CACNA1D: variants seen among roughly 807,000 people sequenced by gnomAD.
CACNA1D encodes the protein voltage-dependent L-type calcium channel subunit alpha-1D.
Under a neutral mutation model 257.1 loss-of-function variants are expected in CACNA1D, and 55 were observed. The ratio of observed to expected loss-of-function variants is 0.21; its 90% CI spans 0.17 to 0.27. CACNA1D has a LOEUF of 0.27. CACNA1D is among the 10% of genes least tolerant of loss of function. CACNA1D has a pLI of 1.00. For synonymous variants in CACNA1D, 980 were observed against 1,014.9 expected (o/e 0.97, Z 0.65); for missense variants, 1,876 against 2,784.0 (o/e 0.67, Z 7.34).
intron 47 of CACNA1D, chr3:53,810,567 T>G (rs2095592197): frequency 6.1e-6 from 3 of 494,350 alleles, no homozygotes; most frequent in South Asian, 4.1e-5. Context: ...AGACCAGCCT[T>G]GCCAACATGG....
chr3:53,764,766 G>A (rs1057116931), intron 30 of CACNA1D, among the ~76,000 whole-genome samples: 2 of 152,222 alleles, frequency 1.3e-5, no homozygotes, highest in Admixed American at 6.5e-5. Flanking sequence ...GCAGGTCTAC[G>A]CTGAAGTTTC....
intron 9 of CACNA1D, among the ~76,000 whole-genome samples, chr3:53,712,039 A>C (rs1365511640): frequency 6.6e-6 from 1 of 152,232 alleles, no homozygotes; most frequent in Non-Finnish European, 1.5e-5. Context: ...ATAAGAAAAA[A>C]CATCTTTAAA....
At chr3:53,735,745 G>A (rs1321928014) in intron 20 of CACNA1D, among the ~76,000 whole-genome samples, 2 of 152,378 alleles carry the variant, frequency 1.3e-5, no homozygotes, top group Non-Finnish European at 2.9e-5. Context: ...AACGGTCAGT[G>A]AATTCAGGGA....
chr3:53,702,683 T>C lies in CACNA1D; in HGVS notation c.1263T>C (p.Asp421=), dbSNP rs1221212404. 2 of 1,614,114 alleles carry C rather than the reference T, an allele frequency of 1.2e-6. No homozygotes were observed. Among genetic ancestry groups the C allele is most frequent in the Admixed American group, 3.3e-5 (2 of 60,014 alleles). ...GAGAGAAGGCAAAAGCACGGGGAGA[T>C]TTCCAGAAGCTCCGGGAGAAGCAGC... ...KEREKAKARG[D]FQKLREKQQL... The change falls in exon 9 of 48, where the codon GAT becomes GAC. Residue 421 remains aspartate (D), a synonymous_variant. Coordinates refer to ENST00000350061, the MANE Select transcript of CACNA1D (RefSeq NM_001128840.3).
At chr3:53,803,634 C>G in intron 44 of CACNA1D, 62 bp downstream of exon 44, 1 of 1,569,854 alleles carries the variant, frequency 6.4e-7, no homozygotes, top group Non-Finnish European at 8.7e-7. Context: ...TCGGCCCACT[C>G]CGGAAGCCAG....
intron 3 of CACNA1D, among the ~76,000 whole-genome samples, chr3:53,544,849 T>C (rs551846296): frequency 6.6e-6 from 1 of 152,326 alleles, no homozygotes; most frequent in African/African-American, 2.4e-5. Context: ...ACCTGGCAAG[T>C]TGCTTCATCC....
intron 8 of CACNA1D, among the ~76,000 whole-genome samples, chr3:53,678,191 C>T (rs1244749901): frequency 6.6e-6 from 1 of 152,186 alleles, no homozygotes; most frequent in South Asian, 2.1e-4. Context: ...ACTACATAAA[C>T]CCCCTCCTGG....
At position 53,650,790 on chromosome 3, in the gene CACNA1D, A is replaced by G. The variant is rs1263178348; in HGVS notation, c.495A>G (p.Glu165=). 35 of 1,614,018 alleles carry G rather than the reference A, an allele frequency of 2.2e-5. No individual in the cohort carries two copies. The highest frequency in any genetic ancestry group is 3.0e-5 in the Non-Finnish European group (35 of 1,180,006). The change falls in exon 4 of 48, where the codon GAA becomes GAG. Residue 165 remains glutamate, a synonymous_variant. Coordinates refer to ENST00000350061, the MANE Select transcript of CACNA1D (RefSeq NM_001128840.3). The part of the protein sequence containing the change: ...NSTNHNLEKV[E]YAFLIIFTVE... ...GTTTTTCTTCACAGGAAAAAGTAGA[A>G]TATGCCTTCCTGATTATTTTTACAG...
chr3:53,566,220 T>C (rs1438277203), intron 3 of CACNA1D, among the ~76,000 whole-genome samples: 1 of 152,188 alleles, frequency 6.6e-6, no homozygotes, highest in Admixed American at 6.5e-5. Flanking sequence ...GCCTGGAGAA[T>C]ATGTGATCTG....
chr3:53,500,979 GT>G (rs1283961481), intron 2 of CACNA1D, among the ~76,000 whole-genome samples: 4 of 152,202 alleles, frequency 2.6e-5, no homozygotes, highest in Admixed American at 6.5e-5. Context: ...ATCTGAAACA[GT>G]TATAGCCATC....
At chr3:53,504,017 A>AT (rs1389892280) in intron 3 of CACNA1D, among the ~76,000 whole-genome samples, 1 of 149,846 alleles carries the variant, frequency 6.7e-6, no homozygotes, top group African/African-American at 2.5e-5. Flanking sequence ...GCAAGGTCCC[A>AT]TGCCATGTTG....
chr3:53,554,638 A>G (rs1039317763), intron 3 of CACNA1D, among the ~76,000 whole-genome samples: 4 of 152,208 alleles, frequency 2.6e-5, no homozygotes, highest in Non-Finnish European at 5.9e-5. Flanking sequence ...GTCTCCCTCA[A>G]GGGTAGGGAT....
intron 3 of CACNA1D, among the ~76,000 whole-genome samples, chr3:53,639,114 C>T (rs542415925): frequency 1.3e-5 from 2 of 152,266 alleles, no homozygotes; most frequent in African/African-American, 4.8e-5. Context: ...TGCCTGTGAA[C>T]CTCATCTGTG....
At chr3:53,713,535 T>A (rs1379005249) in intron 9 of CACNA1D, among the ~76,000 whole-genome samples, 2 of 138,346 alleles carry the variant, frequency 1.4e-5, no homozygotes, top group Non-Finnish European at 3.0e-5. Context: ...TGTGTGTGTG[T>A]GTGTGTGTGA....
At chr3:53,707,245 A>T (rs1425972455) in intron 9 of CACNA1D, among the ~76,000 whole-genome samples, 2 of 152,014 alleles carry the variant, frequency 1.3e-5, no homozygotes, top group African/African-American at 4.8e-5. Flanking sequence ...ATGCTTCTTG[A>T]TGCCATACTC....
chr3:53,546,789 G>A (rs2092422849), intron 3 of CACNA1D, among the ~76,000 whole-genome samples: 1 of 152,188 alleles, frequency 6.6e-6, no homozygotes, highest in Non-Finnish European at 1.5e-5. Flanking sequence ...CGTCCTAGCA[G>A]TGGGCAAGAG....
intron 30 of CACNA1D, chr3:53,766,272 T>G (rs537528943): frequency 6.6e-6 from 1 of 152,298 alleles, no homozygotes; most frequent in South Asian, 2.1e-4. Flanking sequence ...TAGTCCCCCA[T>G]TTCATATGTG....
At chr3:53,722,578 C>T (rs2094893350) in intron 12 of CACNA1D, 104 bp downstream of exon 12, 2 of 1,187,280 alleles carry the variant, frequency 1.7e-6, no homozygotes, top group Admixed American at 1.7e-5. Flanking sequence ...AGTATCGCAA[C>T]ATTTCTAGTG....
intron 4 of CACNA1D, among the ~76,000 whole-genome samples, chr3:53,654,384 A>G (rs1418700112): frequency 6.6e-6 from 1 of 152,242 alleles, no homozygotes; most frequent in Non-Finnish European, 1.5e-5. Context: ...TAGCTTCTAT[A>G]GAAATAAAGT....
Sources: allele counts gnomAD v4.1 joint callset (sites outside exome capture counted in the v4.1 genomes callset), GRCh38; gene constraint gnomAD v4.1.1; transcripts MANE v1.5; gene names NCBI Gene and HGNC (gene_info 2026-07-23, HGNC 2026-07-21).